The following AGMO variants were observed in gnomAD, a reference collection of about 807,000 sequenced individuals.
AGMO encodes glyceryl-ether monooxygenase.
A neutral mutation model predicts 60.2 loss-of-function variants in AGMO; 75 were observed. The ratio of observed to expected loss-of-function variants is 1.25; its 90% confidence interval spans 1.03 to 1.51. The LOEUF is 1.51. AGMO is among the 40% of genes most tolerant of loss of function. AGMO has a pLI of 0.00. For missense variants in AGMO, 763 were observed against 525.5 expected (o/e 1.45, Z -4.42); for synonymous variants, 261 against 177.1 (o/e 1.47, Z -3.76).
At chr7:15,295,610 AAAT>A (rs1784387107) in intron 12 of AGMO, among the ~76,000 whole-genome samples, 1 of 152,108 alleles carries the variant, frequency 6.6e-6, no homozygotes, top group African/African-American at 2.4e-5. Context: ...ATTTTGATTA[AAAT>A]AATATATAGA....
At chr7:15,515,310 C>CA (rs1180050977) in intron 3 of AGMO, among the ~76,000 whole-genome samples, 2 of 152,296 alleles carry the variant, frequency 1.3e-5, no homozygotes, top group African/African-American at 4.8e-5. Flanking sequence ...GTTATCTGAG[C>CA]AAGTCATCAT....
intron 12 of AGMO, among the ~76,000 whole-genome samples, chr7:15,217,329 A>G (rs1488513654): frequency 6.6e-6 from 1 of 151,896 alleles, no homozygotes; most frequent in Non-Finnish European, 1.5e-5. Flanking sequence ...TAAAAATTTA[A>G]ATGCATGAAC....
chr7:15,243,511 T>C (rs543903463), intron 12 of AGMO, among the ~76,000 whole-genome samples: 46 of 152,294 alleles, frequency 3.0e-4, no homozygotes, highest in African/African-American at 1.0e-3. Context: ...CGGATAGCTA[T>C]GGATAATGTA....
chr7:15,351,406 A>G (rs542109122), intron 12 of AGMO, among the ~76,000 whole-genome samples: 122 of 152,282 alleles, frequency 8.0e-4, no homozygotes, highest in African/African-American at 2.9e-3. Context: ...CTAAACCCCT[A>G]TATTTAACAG....
intron 2 of AGMO, among the ~76,000 whole-genome samples, chr7:15,546,244 T>C (rs1379759155): frequency 6.6e-6 from 1 of 152,166 alleles, no homozygotes; most frequent in Non-Finnish European, 1.5e-5. Flanking sequence ...TATAACAGCA[T>C]TAATATATGC....
intron 12 of AGMO, among the ~76,000 whole-genome samples, chr7:15,299,746 C>T (rs759698519): frequency 6.6e-6 from 1 of 151,356 alleles, no homozygotes; most frequent in Non-Finnish European, 1.5e-5. Flanking sequence ...GAGAATTGCT[C>T]GAACCCGGGA....
intron 3 of AGMO, among the ~76,000 whole-genome samples, chr7:15,516,759 C>CT (rs538054072): frequency 0.016 from 2,340 of 146,226 alleles, 61 homozygotes; most frequent in African/African-American, 0.054. Flanking sequence ...AAGTTACATC[C>CT]TTTTTTTTTT....
chr7:15,456,721 G>C (rs572855409), intron 3 of AGMO, among the ~76,000 whole-genome samples: 1 of 152,182 alleles, frequency 6.6e-6, no homozygotes, highest in Non-Finnish European at 1.5e-5. Flanking sequence ...ATGCACATGT[G>C]GTTTCTAATT....
intron 12 of AGMO, among the ~76,000 whole-genome samples, chr7:15,243,158 C>T (rs1365022770): frequency 6.6e-6 from 1 of 152,010 alleles, no homozygotes; most frequent in African/African-American, 2.4e-5. Context: ...GGTCAGTTCT[C>T]AAGGGATTGC....
intron 12 of AGMO, among the ~76,000 whole-genome samples, chr7:15,335,590 CATCTTTGTGCAGACAGGCCCTGAAAATAT>C (rs1258790315): frequency 2.0e-5 from 3 of 152,112 alleles, no homozygotes; most frequent in African/African-American, 7.2e-5. Context: ...AACCTGCCAG[CATCTTTGTGCAGACAGGCCCTGAAAATAT>C]ATACTAGCGA....
chr7:15,382,085 G>C (rs1783716787), intron 10 of AGMO, among the ~76,000 whole-genome samples: 1 of 152,028 alleles, frequency 6.6e-6, no homozygotes, highest in African/African-American at 2.4e-5. Context: ...ATACCTAGAT[G>C]ATAAAATAAT....
At chr7:15,221,582 T>C (rs1447146662) in intron 12 of AGMO, among the ~76,000 whole-genome samples, 1 of 152,140 alleles carries the variant, frequency 6.6e-6, no homozygotes, top group African/African-American at 2.4e-5. Flanking sequence ...ATATTTCTTC[T>C]CCTTGGTGAG....
intron 12 of AGMO, among the ~76,000 whole-genome samples, chr7:15,211,805 G>A (rs997545683): frequency 1.7e-4 from 26 of 151,828 alleles, no homozygotes; most frequent in African/African-American, 5.3e-4. Flanking sequence ...CAACACAATG[G>A]AAATACATGC....
At chr7:15,136,778 T>G in the AGMO span, among the ~76,000 whole-genome samples, 2 of 152,036 alleles carry the variant, frequency 1.3e-5, no homozygotes, top group African/African-American at 4.8e-5. Context: ...CGCGTGCGTA[T>G]TTAAGAGTCT....
chr7:15,255,064 T>C (rs1257811075), intron 12 of AGMO, among the ~76,000 whole-genome samples: 1 of 152,272 alleles, frequency 6.6e-6, no homozygotes, highest in African/African-American at 2.4e-5. Context: ...CGCAGGGACA[T>C]GGATGAAGCT....
At chr7:15,445,450 T>A (rs1294102137) in intron 3 of AGMO, among the ~76,000 whole-genome samples, 1 of 152,164 alleles carries the variant, frequency 6.6e-6, no homozygotes, top group Non-Finnish European at 1.5e-5. Context: ...GGTTAGAATA[T>A]CAAACTTGGA....
At chr7:15,485,206 A>G (rs975322184) in intron 3 of AGMO, among the ~76,000 whole-genome samples, 1 of 151,744 alleles carries the variant, frequency 6.6e-6, no homozygotes, top group Non-Finnish European at 1.5e-5. Flanking sequence ...AACCCCAGCT[A>G]CTATGGAGGC....
intron 3 of AGMO, among the ~76,000 whole-genome samples, chr7:15,471,832 T>A (rs1387617063): frequency 6.6e-6 from 1 of 151,916 alleles, no homozygotes; most frequent in East Asian, 1.9e-4. Context: ...GATTTTTTTT[T>A]AATCTTCCAA....
At chr7:15,210,108 TAC>T (rs1227241232) in intron 12 of AGMO, among the ~76,000 whole-genome samples, 2 of 152,142 alleles carry the variant, frequency 1.3e-5, no homozygotes, top group Non-Finnish European at 2.9e-5. Flanking sequence ...GCTCAAATGA[TAC>T]AGAGTATTGG....
Sources: gnomAD v4.1 joint callset for allele counts (sites outside exome capture counted in the v4.1 genomes callset) on GRCh38, gnomAD v4.1.1 for gene constraint, MANE v1.5 for transcripts, NCBI Gene and HGNC (gene_info 2026-07-23, HGNC 2026-07-21) for gene names.